ZNF385D: variants seen among roughly 807,000 people sequenced by gnomAD.
The protein encoded by ZNF385D is zinc finger protein 659.
Under a neutral mutation model 35.8 loss-of-function variants are expected in ZNF385D, and 15 were observed. The observed-to-expected ratio is 0.42, with a 90% CI of 0.28 to 0.64. The LOEUF (loss-of-function observed/expected upper bound fraction) is 0.64, where lower values mean the gene tolerates loss of function less well. Among genes scored for constraint, ZNF385D ranks in the 30% least tolerant of loss-of-function variants. The probability of loss-of-function intolerance (pLI) is 0.23; values close to 1 mark genes in which losing one functional copy is unlikely to be tolerated. For synonymous variants in ZNF385D, 212 were observed against 186.8 expected, an observed-to-expected ratio of 1.13 and a Z score of -1.10; for missense variants, 474 against 494.6, an observed-to-expected ratio of 0.96 and a Z score of 0.39.
intron 3 of ZNF385D, among the ~76,000 whole-genome samples, chr3:22,121,333 G>C (rs1000663315): frequency 6.6e-6 from 1 of 152,124 alleles, no homozygotes; most frequent in Non-Finnish European, 1.5e-5. Context: ...CTATCACACA[G>C]GACCTCATGC....
chr3:21,592,397 T>TAAAC (rs3041749), intron 2 of ZNF385D, among the ~76,000 whole-genome samples: 137,372 of 151,762 alleles, frequency 0.91, 62,368 homozygotes, highest in African/African-American at 0.97. Context: ...TTTTGAATCA[T>TAAAC]AAACAGCAAG....
chr3:21,993,709 G>T (rs1397926551), intron 3 of ZNF385D, among the ~76,000 whole-genome samples: 1 of 152,112 alleles, frequency 6.6e-6, no homozygotes, highest in African/African-American at 2.4e-5. Context: ...ACAATGCAAT[G>T]TTCCTTCCTA....
chr3:21,460,081 G>A (rs894255420), intron 4 of ZNF385D, among the ~76,000 whole-genome samples: 1 of 152,116 alleles, frequency 6.6e-6, no homozygotes, highest in South Asian at 2.1e-4. Context: ...TTGCTCTTTA[G>A]TGTCCATGTT....
intron 3 of ZNF385D, among the ~76,000 whole-genome samples, chr3:22,032,318 G>T (rs1011203909): frequency 2.6e-5 from 4 of 152,174 alleles, no homozygotes; most frequent in Admixed American, 1.3e-4. Context: ...GTGGTGGAAG[G>T]CAAAGGAAAA....
Position 21,493,717 on chromosome 3 carries a change from G to A in ZNF385D, c.439+17144C>T, listed in dbSNP as rs557169215. Among the ~76,000 whole-genome samples, 170 of 151,424 alleles carry A rather than the reference G, an allele frequency of 1.1e-3. 1 individual carries two copies. Among genetic ancestry groups the A allele is most frequent in the African/African-American group, 4.0e-3 (167 of 41,270 alleles). On this transcript the variant is annotated intron_variant, in intron 4 of 7. Transcript: ENST00000281523. The stretch of plus-strand genomic sequence containing the variant: ...AGTCTCAAGCAATCCTCCCATCTCT[G>A]CTCCCAAAGTGTTAGGATTACAGCT...
At chr3:21,747,492 G>C (rs1324647021) in intron 1 of ZNF385D, among the ~76,000 whole-genome samples, 1 of 152,194 alleles carries the variant, frequency 6.6e-6, no homozygotes, top group Non-Finnish European at 1.5e-5. Flanking sequence ...TGATGGCAAA[G>C]GGTGAGACAT....
chr3:22,327,941 T>C (rs1010142229), intron 2 of ZNF385D, among the ~76,000 whole-genome samples: 2 of 152,230 alleles, frequency 1.3e-5, no homozygotes, highest in African/African-American at 4.8e-5. Flanking sequence ...ACATCTATCA[T>C]CTGGAAGAAA....
At chr3:21,621,488 G>T (rs1317992817) in intron 2 of ZNF385D, among the ~76,000 whole-genome samples, 3 of 151,398 alleles carry the variant, frequency 2.0e-5, no homozygotes, top group African/African-American at 7.3e-5. Flanking sequence ...GAAAATTCAG[G>T]TTGTTGACAA....
rs570505658 is a variant in ZNF385D at position 21,418,928 on chromosome 3, T to C, written c.*2286A>G. 2 of 152,172 alleles carry C rather than the reference T, an allele frequency of 1.3e-5. No homozygotes were observed. Among genetic ancestry groups the C allele is most frequent in the African/African-American group, 2.4e-5 (1 of 41,442 alleles). 9.4% of individuals were successfully genotyped at this position (152,172 alleles called of 1,614,324 possible). A position where few individuals can be genotyped will look rare whatever the true frequency, so the allele number is the denominator to read the frequency against. ...GACAGAGCCCCAAACAACAGACTTA[T>C]GGGCAACTATCCACCTGGCTGAACT... On this transcript the variant is annotated 3_prime_UTR_variant, in exon 8 of 8. Coordinates refer to ENST00000281523, the MANE Select transcript of ZNF385D (RefSeq NM_024697.3).
intron 3 of ZNF385D, among the ~76,000 whole-genome samples, chr3:22,115,316 T>C (rs1046712718): frequency 1.3e-5 from 2 of 151,986 alleles, no homozygotes; most frequent in Non-Finnish European, 2.9e-5. Context: ...TCCAGTAAAA[T>C]GGGTAAACTT....
chr3:22,041,803 T>C (rs554615894), intron 3 of ZNF385D, among the ~76,000 whole-genome samples: 2 of 152,090 alleles, frequency 1.3e-5, no homozygotes, highest in Non-Finnish European at 2.9e-5. Flanking sequence ...TTGGAGGACA[T>C]AAAACTTAAG....
At chr3:21,937,289 T>C (rs1310710778) in intron 3 of ZNF385D, among the ~76,000 whole-genome samples, 1 of 152,126 alleles carries the variant, frequency 6.6e-6, no homozygotes, top group African/African-American at 2.4e-5. Context: ...AATCACAGCC[T>C]CTTATTCTGC....
rs552412929 is a variant in ZNF385D at position 22,153,085 on chromosome 3, A to G, written c.325+15732T>C. Among the ~76,000 whole-genome samples, 3 of 152,208 alleles carry G rather than the reference A, an allele frequency of 2.0e-5. No homozygotes were observed. The South Asian group carries it at 6.2e-4, about 31-fold the overall frequency. On this transcript the variant is annotated intron_variant, in intron 3 of 5. Transcript: ENST00000494108. ...GATGGTTAAAACTGACCAATGTACT[A>G]CTGCATACAACCATTTTCTACATGG...
Position 21,511,570 on chromosome 3 carries a change from A to G in ZNF385D, c.277-547T>C, listed in dbSNP as rs578090266. On this transcript the variant is annotated intron_variant, in intron 3 of 7. Coordinates refer to ENST00000281523, the MANE Select transcript of ZNF385D (RefSeq NM_024697.3). ...AAGCAAATGCACTTCTTAAGTTCAAATGGAGCACACAGAAGCCGGGCAATT... is the reference window on the plus strand; with the variant it reads ...AAGCAAATGCACTTCTTAAGTTCAAGTGGAGCACACAGAAGCCGGGCAATT... 9.5e-4 allele frequency: 382 copies of G among 403,308 alleles called. 3 individuals carry two copies. Among genetic ancestry groups the G allele is most frequent in the African/African-American group, 7.0e-3 (335 of 47,854 alleles). The allele number at this position is 403,308 out of a possible 1,614,324, so 25.0% of individuals were successfully genotyped here. A position where few individuals can be genotyped will look rare whatever the true frequency, so the allele number is the denominator to read the frequency against.
chr3:22,192,463 G>C (rs1245271583), intron 2 of ZNF385D, among the ~76,000 whole-genome samples: 1 of 152,048 alleles, frequency 6.6e-6, no homozygotes, highest in Non-Finnish European at 1.5e-5. Flanking sequence ...TTGCAAAAAT[G>C]ATGGTGTGTG....
At chr3:21,619,402 T>G (rs1297950850) in intron 2 of ZNF385D, among the ~76,000 whole-genome samples, 1 of 146,658 alleles carries the variant, frequency 6.8e-6, no homozygotes, top group Non-Finnish European at 1.5e-5. Context: ...TTAGTTGTCA[T>G]CGTGTGTGTG....
intron 2 of ZNF385D, among the ~76,000 whole-genome samples, chr3:22,312,026 C>T (rs538214102): frequency 3.9e-5 from 6 of 152,198 alleles, no homozygotes; most frequent in African/African-American, 7.2e-5. Context: ...TCCTCCGAAT[C>T]GACCACCACT....
chr3:21,883,688 G>T (rs1421416807), intron 3 of ZNF385D, among the ~76,000 whole-genome samples: 1 of 152,006 alleles, frequency 6.6e-6, no homozygotes, highest in Non-Finnish European at 1.5e-5. Context: ...AGCAAATAAG[G>T]CATATTCACT....
chr3:22,321,901 T>C (rs1464968181), intron 2 of ZNF385D, among the ~76,000 whole-genome samples: 20 of 152,150 alleles, frequency 1.3e-4, no homozygotes, highest in Non-Finnish European at 1.6e-4. Flanking sequence ...GTCTCAATAT[T>C]AATTTTTAAG....
Sources: allele counts gnomAD v4.1 joint callset (sites outside exome capture counted in the v4.1 genomes callset), GRCh38; gene constraint gnomAD v4.1.1; transcripts MANE v1.5; gene names NCBI Gene and HGNC (gene_info 2026-07-23, HGNC 2026-07-21).